HAO1: variants seen among roughly 807,000 people sequenced by gnomAD.
HAO1 encodes 2-Hydroxyacid oxidase 1.
In HAO1, 34 loss-of-function variants were observed where a neutral mutation model predicts 39.7. The observed-to-expected ratio is 0.86, with a 90% confidence interval of 0.65 to 1.14. The LOEUF is 1.14. Ranked by LOEUF, HAO1 falls within the 50% of genes most tolerant of loss-of-function variation. The probability of loss-of-function intolerance (pLI) is 0.00; values close to 1 mark genes in which losing one functional copy is unlikely to be tolerated. For synonymous variants in HAO1, 172 were observed against 173.2 expected (o/e 0.99, Z 0.05); for missense variants, 479 against 464.5 (o/e 1.03, Z -0.29).
intron 4 of HAO1, among the ~76,000 whole-genome samples, chr20:7,896,878 T>A (rs1013980280): frequency 6.6e-6 from 1 of 152,202 alleles, no homozygotes; most frequent in Non-Finnish European, 1.5e-5. Context: ...CTGTTGTGGC[T>A]ACTCACAAGA....
At chr20:7,936,503 C>CGTGTGTGTGTGTGT (rs71183082) in intron 1 of HAO1, among the ~76,000 whole-genome samples, 4,804 of 109,018 alleles carry the variant, frequency 0.044, 227 homozygotes, top group Middle Eastern at 0.09. Context: ...GGGCAGCAGC[C>CGTGTGTGTGTGTGT]GTGTGTGTGT....
At position 7,914,163 on chromosome 20, in the gene HAO1, C is replaced by T; in HGVS notation, c.545+1G>A. 2 of 1,613,874 alleles carry T rather than the reference C, an allele frequency of 1.2e-6. No individual in the cohort carries two copies. On this transcript the variant is annotated splice_donor_variant, in intron 3 of 7. Transcript: ENST00000378789. LOFTEE classifies it high-confidence loss of function. ...CTCGGGGCCCACATGATCATGGTTACCTGAGTTGTGGCGGCAGTTTGAATC... is the reference window on the plus strand; with the variant it reads ...CTCGGGGCCCACATGATCATGGTTATCTGAGTTGTGGCGGCAGTTTGAATC...
chr20:7,914,725 T>C (rs1018026149), intron 2 of HAO1, among the ~76,000 whole-genome samples: 1 of 152,256 alleles, frequency 6.6e-6, no homozygotes, highest in Non-Finnish European at 1.5e-5. Context: ...CAAAGGTGTC[T>C]GTAAATACGG....
intron 1 of HAO1, among the ~76,000 whole-genome samples, chr20:7,936,547 T>TGTGC (rs751822933): frequency 5.1e-5 from 7 of 136,674 alleles, no homozygotes; most frequent in African/African-American, 2.0e-4. Flanking sequence ...TGTGTGTGTG[T>TGTGC]TCGCGCGCGC....
intron 7 of HAO1, among the ~76,000 whole-genome samples, chr20:7,884,311 T>C (rs979740574): frequency 2.6e-5 from 4 of 152,208 alleles, no homozygotes; most frequent in Non-Finnish European, 4.4e-5. Context: ...CTGCCTCATG[T>C]ATCTTATGTT....
chr20:7,928,829 T>C (rs896017896), intron 2 of HAO1, among the ~76,000 whole-genome samples: 1 of 152,164 alleles, frequency 6.6e-6, no homozygotes, highest in Non-Finnish European at 1.5e-5. Flanking sequence ...GGCCCACACA[T>C]TGTTGCCCCA....
chr20:7,921,499 C>A (rs2050332705), intron 2 of HAO1, among the ~76,000 whole-genome samples: 1 of 152,048 alleles, frequency 6.6e-6, no homozygotes, highest in Non-Finnish European at 1.5e-5. Context: ...TGATACACTG[C>A]TGTAGGGAAT....
At chr20:7,920,860 G>A (rs1186901790) in intron 2 of HAO1, among the ~76,000 whole-genome samples, 1 of 152,050 alleles carries the variant, frequency 6.6e-6, no homozygotes, top group Non-Finnish European at 1.5e-5. Flanking sequence ...TCTTCAACAT[G>A]CTGATTTCAA....
At chr20:7,928,836 C>T (rs536274316) in intron 2 of HAO1, among the ~76,000 whole-genome samples, 2 of 152,200 alleles carry the variant, frequency 1.3e-5, no homozygotes, top group South Asian at 4.2e-4. Flanking sequence ...ACATTGTTGC[C>T]CCAAACAGTG....
intron 3 of HAO1, among the ~76,000 whole-genome samples, chr20:7,906,910 C>T (rs1044599994): frequency 3.3e-5 from 5 of 152,224 alleles, no homozygotes; most frequent in Non-Finnish European, 7.3e-5. Context: ...TCATTCCTAA[C>T]ACTATTCTCT....
intron 4 of HAO1, among the ~76,000 whole-genome samples, chr20:7,900,195 G>A (rs1477233020): frequency 6.6e-6 from 1 of 151,930 alleles, no homozygotes; most frequent in African/African-American, 2.4e-5. Context: ...TTGTTTTATT[G>A]CACTTTGCTT....
intron 5 of HAO1, 29 bp from the exon 6 acceptor site, chr20:7,885,893 C>A (rs746366789): frequency 2.5e-6 from 4 of 1,587,930 alleles, no homozygotes; most frequent in Non-Finnish European, 2.6e-6. Flanking sequence ...AATAATGTGA[C>A]TCTATTAACA....
chr20:7,885,728 A>G lies in HAO1; in HGVS notation c.950T>C (p.Ile317Thr). ...TACCTGGAAAGCTAAGCCCCAAACG[A>G]TTGGTCTCCCCACAAACACAGCCTT... Reference protein sequence around the residue: ...GAKAVFVGRPIVWGLAFQGEK... With the variant: ...GAKAVFVGRPTVWGLAFQGEK... The change falls in exon 6 of 8, where the codon ATC (isoleucine) becomes ACC (threonine). Residue 317 changes from isoleucine (I) to threonine (T), a missense_variant. Coordinates refer to ENST00000378789, the MANE Select transcript of HAO1 (RefSeq NM_017545.3). 1 of 1,613,534 alleles carries G rather than the reference A, an allele frequency of 6.2e-7. No individual in the cohort carries two copies. Among genetic ancestry groups the G allele is most frequent in the South Asian group, 1.1e-5 (1 of 91,038 alleles).
intron 1 of HAO1, among the ~76,000 whole-genome samples, chr20:7,936,565 CGT>C (rs372575246): frequency 5.2e-4 from 64 of 123,586 alleles, no homozygotes; most frequent in Admixed American, 2.0e-3. Context: ...CGCGCGCGCG[CGT>C]GCGTGCCAAA....
Position 7,883,551 on chromosome 20 carries a change from T to C in HAO1, c.*42A>G, listed in dbSNP as rs2050137430. On this transcript the variant is annotated 3_prime_UTR_variant, in exon 8 of 8. Transcript: ENST00000378789. Reference sequence around the variant, plus strand: ...CAGTGTCTCTTTGTCAAGTAATACATGCTGAAAAAAAATAATACAGATGGG... The same window carrying C: ...CAGTGTCTCTTTGTCAAGTAATACACGCTGAAAAAAAATAATACAGATGGG... 6.9e-7 allele frequency: 1 copy of C among 1,451,020 alleles called. No homozygotes were observed. 89.9% of individuals were successfully genotyped at this position (1,451,020 alleles called of 1,614,324 possible). A position where few individuals can be genotyped will look rare whatever the true frequency, so the allele number is the denominator to read the frequency against.
chr20:7,902,241 T>C (rs1182244022), intron 4 of HAO1, among the ~76,000 whole-genome samples: 1 of 152,222 alleles, frequency 6.6e-6, no homozygotes, highest in Non-Finnish European at 1.5e-5. Context: ...TAGCTTCTCA[T>C]GGTACAGAGA....
At chr20:7,903,430 A>G (rs2050230185) in intron 4 of HAO1, among the ~76,000 whole-genome samples, 1 of 152,062 alleles carries the variant, frequency 6.6e-6, no homozygotes, top group South Asian at 2.1e-4. Flanking sequence ...ATCCATATGG[A>G]TGAGAAGAAA....
chr20:7,911,222 C>T (rs2050278135), intron 3 of HAO1, among the ~76,000 whole-genome samples: 1 of 152,096 alleles, frequency 6.6e-6, no homozygotes, highest in African/African-American at 2.4e-5. Flanking sequence ...CATGAGAGAC[C>T]TGAGAAGACA....
rs549609588 is a variant in HAO1, at chr20:7,919,938, C to T, written c.290-5519G>A. Among the ~76,000 whole-genome samples, 3 of 152,042 alleles carry T rather than the reference C, an allele frequency of 2.0e-5. No homozygotes were observed. In the South Asian group the frequency reaches 6.3e-4, roughly 32 times the overall value. On this transcript the variant is annotated intron_variant, in intron 2 of 7. Coordinates refer to ENST00000378789, the MANE Select transcript of HAO1 (RefSeq NM_017545.3). ...AGTAATTGCACATGTTTATGGGGTA[C>T]AAAGTGATGTTTTGATCTATGTATA...
Sources: gnomAD v4.1 joint callset for allele counts (sites outside exome capture counted in the v4.1 genomes callset) on GRCh38, gnomAD v4.1.1 for gene constraint, MANE v1.5 for transcripts, NCBI Gene and HGNC (gene_info 2026-07-23, HGNC 2026-07-21) for gene names.